Variants in PHF21A observed in about 807,000 individuals in gnomAD.
PHF21A encodes the protein BHC80a.
PHF21A carries 11 observed loss-of-function variants against 82.5 expected under a neutral mutation model. The observed-to-expected ratio is 0.13, with a 90% CI of 0.08 to 0.22. PHF21A has a LOEUF of 0.22. Ranked by LOEUF, PHF21A falls within the 10% of genes least tolerant of loss-of-function variation. The pLI is 1.00. For synonymous variants in PHF21A, 297 were observed against 302.8 expected, an observed-to-expected ratio of 0.98 and a Z score of 0.20; for missense variants, 579 against 837.8, an observed-to-expected ratio of 0.69 and a Z score of 3.81.
intron 6 of PHF21A, among the ~76,000 whole-genome samples, chr11:46,009,804 T>C (rs936827112): frequency 2.1e-4 from 32 of 152,360 alleles, no homozygotes; most frequent in Middle Eastern, 3.4e-3. Context: ...GCTTTGTCTT[T>C]TGGTCCAGAA....
chr11:46,017,022 G>A (rs1565557463), intron 6 of PHF21A, among the ~76,000 whole-genome samples: 1 of 151,752 alleles, frequency 6.6e-6, no homozygotes, highest in Non-Finnish European at 1.5e-5. Context: ...CCAGGCTGGA[G>A]TGCAGTGGCG....
intron 1 of PHF21A, among the ~76,000 whole-genome samples, chr11:46,096,733 A>T (rs1332543811): frequency 4.0e-5 from 6 of 150,856 alleles, no homozygotes; most frequent in African/African-American, 1.5e-4. Flanking sequence ...GATCTCACAC[A>T]GTCTCATGGC....
chr11:46,106,317 G>A (rs962303271), intron 1 of PHF21A, among the ~76,000 whole-genome samples: 1 of 152,090 alleles, frequency 6.6e-6, no homozygotes. Context: ...ACAAAAGGGT[G>A]GGGGGGAACC....
intron 6 of PHF21A, among the ~76,000 whole-genome samples, chr11:46,030,464 C>T (rs2095842122): frequency 6.6e-6 from 1 of 152,136 alleles, no homozygotes; most frequent in Non-Finnish European, 1.5e-5. Context: ...TATCAGATTT[C>T]AATACCAGCA....
At chr11:46,101,155 T>A (rs906359860) in intron 1 of PHF21A, among the ~76,000 whole-genome samples, 1 of 152,172 alleles carries the variant, frequency 6.6e-6, no homozygotes, top group African/African-American at 2.4e-5. Context: ...AGCTCAAAAC[T>A]AATAATCTCA....
At chr11:46,117,828 A>G (rs1193341637) in intron 1 of PHF21A, 2 of 152,230 alleles carry the variant, frequency 1.3e-5, no homozygotes, top group African/African-American at 4.8e-5. Flanking sequence ...GAATCCTTAT[A>G]CTATCCGCAA....
chr11:46,096,891 A>T (rs988407997), intron 1 of PHF21A, among the ~76,000 whole-genome samples: 4 of 152,094 alleles, frequency 2.6e-5, no homozygotes, highest in Non-Finnish European at 5.9e-5. Context: ...TAAACTCCTG[A>T]CTACCTCTCC....
intron 6 of PHF21A, among the ~76,000 whole-genome samples, chr11:46,041,918 C>T (rs1367518966): frequency 3.9e-5 from 6 of 152,032 alleles, no homozygotes; most frequent in Admixed American, 2.0e-4. Context: ...AAAGACAGAG[C>T]CCAGAATTCC....
chr11:45,935,201 A>G, intron 18 of PHF21A: 2 of 1,291,132 alleles, frequency 1.5e-6, no homozygotes, highest in Non-Finnish European at 2.0e-6. Context: ...GGTGTGGAAG[A>G]AAGAGCGAGG....
intron 6 of PHF21A, among the ~76,000 whole-genome samples, chr11:45,981,930 TTTTG>T (rs1232901377): frequency 2.0e-5 from 3 of 150,078 alleles, no homozygotes; most frequent in African/African-American, 4.9e-5. Flanking sequence ...GTTTCTCTCT[TTTTG>T]TTTTTCTTTT....
intron 1 of PHF21A, among the ~76,000 whole-genome samples, chr11:46,095,489 T>C (rs577498327): frequency 6.6e-6 from 1 of 152,276 alleles, no homozygotes; most frequent in Non-Finnish European, 1.5e-5. Context: ...AATGAAATTA[T>C]TTTTGCTTTT....
chr11:45,980,283 A>G (rs2094221859), intron 6 of PHF21A, among the ~76,000 whole-genome samples: 1 of 152,232 alleles, frequency 6.6e-6, no homozygotes. Context: ...ACAACGTAGC[A>G]GTAAAAAGCA....
rs1591996102 is a variant in PHF21A, at chr11:46,014,699, G to GTGTAAAGTGGTATCACTGT, written c.154-34734_154-34733insACAGTGATACCACTTTACA. On this transcript the variant is annotated intron_variant, in intron 6 of 18. Transcript: ENST00000676320. ...GACTTTTTAATAATAGTTATTCTGG[G>GTGTAAAGTGGTATCACTGT]GCCGGGCGCGGTGGCTCACGCCTGT... Among the ~76,000 whole-genome samples the GTGTAAAGTGGTATCACTGT allele has an allele frequency of 5.7e-4, 27 of 47,586 alleles. 6 individuals carry two copies. The highest frequency in any genetic ancestry group is 7.6e-3 in the East Asian group (2 of 264). The allele number at this position is 47,586 out of a possible 152,430, so 31.2% of individuals were successfully genotyped here. A position where few individuals can be genotyped will look rare whatever the true frequency, so the allele number is the denominator to read the frequency against.
At chr11:45,999,954 C>T (rs2136982593) in intron 6 of PHF21A, among the ~76,000 whole-genome samples, 1 of 152,338 alleles carries the variant, frequency 6.6e-6, no homozygotes, top group South Asian at 2.1e-4. Context: ...TTCTGCAAGG[C>T]TGCAACATGA....
At chr11:46,090,360 T>C (rs1265902256) in intron 3 of PHF21A, 95 bp downstream of exon 3, 1 of 152,092 alleles carries the variant, frequency 6.6e-6, no homozygotes, top group Non-Finnish European at 1.5e-5. Context: ...AATAAATACT[T>C]AATAGAAGTG....
intron 14 of PHF21A, among the ~76,000 whole-genome samples, chr11:45,948,453 C>T (rs1041226785): frequency 2.0e-5 from 3 of 152,196 alleles, no homozygotes; most frequent in Admixed American, 6.5e-5. Context: ...GGAAAGTCTG[C>T]AGCTCCAAGA....
rs374421429 is a variant in PHF21A at position 45,971,065 on chromosome 11, G to A, written c.612+51C>T. 7.0e-4 allele frequency: 1,122 copies of A among 1,596,174 alleles called. 1 individual carries two copies. Among genetic ancestry groups the A allele is most frequent in the African/African-American group, 1.2e-3 (88 of 74,632 alleles). ...TAGAAGGGATATACTATACAAATGC[G>A]TATCCTAACCTTCTCATGTGATCAC... On this transcript the variant is annotated intron_variant, in intron 8 of 18. Coordinates refer to ENST00000676320, the MANE Select transcript of PHF21A (RefSeq NM_001352027.3).
intron 6 of PHF21A, among the ~76,000 whole-genome samples, chr11:46,012,639 T>C (rs1301882266): frequency 6.6e-6 from 1 of 152,182 alleles, no homozygotes; most frequent in Admixed American, 6.5e-5. Context: ...ATAAAGTACC[T>C]AGCACAGTGC....
chr11:45,934,384 G>A (rs576086040), intron 18 of PHF21A, 159 bp from the exon 19 acceptor site: 21 of 692,932 alleles, frequency 3.0e-5, no homozygotes, highest in East Asian at 2.7e-4. Context: ...TGGAGTGGGC[G>A]GCTACCACCT....
Sources: gnomAD v4.1 joint callset for allele counts (sites outside exome capture counted in the v4.1 genomes callset) on GRCh38, gnomAD v4.1.1 for gene constraint, MANE v1.5 for transcripts, NCBI Gene and HGNC (gene_info 2026-07-23, HGNC 2026-07-21) for gene names.